CDYL2: variants seen among roughly 807,000 people sequenced by gnomAD.
The protein encoded by CDYL2 is chromodomain Y-like protein 2.
Under a neutral mutation model 49.4 loss-of-function variants are expected in CDYL2, and 23 were observed. The ratio of observed to expected loss-of-function variants is 0.47; its 90% confidence interval spans 0.34 to 0.66. CDYL2 has a LOEUF of 0.66. Ranked by LOEUF, CDYL2 falls within the 30% of genes least tolerant of loss-of-function variation. The pLI, the probability that CDYL2 is intolerant of heterozygous loss-of-function variation, is 0.01. For synonymous variants in CDYL2, 360 were observed against 268.8 expected (o/e 1.34, Z -3.32); for missense variants, 678 against 656.4 (o/e 1.03, Z -0.36).
chr16:80,650,465 G>C (rs1908536162), intron 2 of CDYL2, among the ~76,000 whole-genome samples: 1 of 152,070 alleles, frequency 6.6e-6, no homozygotes, highest in African/African-American at 2.4e-5. Context: ...AAGACAGGCA[G>C]TAACAAATGC....
intron 6 of CDYL2, 100 bp from the exon 7 acceptor site, chr16:80,604,646 C>CAGCCAGAGTAGCCAGAGT: frequency 7.7e-7 from 1 of 1,291,052 alleles, no homozygotes; most frequent in Non-Finnish European, 1.1e-6. Context: ...CCCATACTCA[C>CAGCCAGAGTAGCCAGAGT]AGCCAGAGAA....
intron 1 of CDYL2, among the ~76,000 whole-genome samples, chr16:80,781,153 C>A (rs1046944106): frequency 6.6e-6 from 1 of 152,128 alleles, no homozygotes; most frequent in African/African-American, 2.4e-5. Context: ...AATCATTACA[C>A]AATACACATC....
At chr16:80,777,344 G>C (rs759874637) in intron 1 of CDYL2, among the ~76,000 whole-genome samples, 24 of 151,776 alleles carry the variant, frequency 1.6e-4, no homozygotes, top group Non-Finnish European at 2.6e-4. Context: ...TAGAAAAAAA[G>C]TAAACAGATG....
At chr16:80,722,491 C>T (rs1642589119) in intron 1 of CDYL2, among the ~76,000 whole-genome samples, 1 of 152,184 alleles carries the variant, frequency 6.6e-6, no homozygotes, top group Non-Finnish European at 1.5e-5. Context: ...CTTATCGAGC[C>T]AACAACGGCA....
chr16:80,696,719 TAA>T (rs1220465295), intron 1 of CDYL2, among the ~76,000 whole-genome samples: 3 of 140,892 alleles, frequency 2.1e-5, no homozygotes, highest in Non-Finnish European at 1.6e-5. Context: ...GGAAGAGTAA[TAA>T]AAAAAAAAAG....
chr16:80,754,402 C>G (rs917661439), intron 1 of CDYL2, among the ~76,000 whole-genome samples: 1 of 152,130 alleles, frequency 6.6e-6, no homozygotes, highest in Non-Finnish European at 1.5e-5. Context: ...CAAAGGCCAC[C>G]CTAACATCAT....
chr16:80,685,081 A>C lies in CDYL2; in HGVS notation c.73T>G (p.Tyr25Asp). 6.2e-7 allele frequency: 1 copy of C among 1,613,848 alleles called. No homozygotes were observed. The highest frequency in any genetic ancestry group is 8.5e-7 in the Non-Finnish European group (1 of 1,179,898). ...CCGTAGCCTTTCCATCGGATAAGAT[A>C]CTCCCATTTTCCTTTCTTGTTCTTC... Reference protein sequence around the residue: ...KRKNKKGKWEYLIRWKGYGST... With the variant: ...KRKNKKGKWEDLIRWKGYGST... The change falls in exon 2 of 7, where the codon TAT becomes GAT. Residue 25 changes from tyrosine to aspartate, a missense_variant. Transcript: ENST00000570137.
intron 1 of CDYL2, among the ~76,000 whole-genome samples, chr16:80,753,175 C>G (rs1388572788): frequency 2.0e-5 from 3 of 150,940 alleles, no homozygotes; most frequent in Admixed American, 6.6e-5. Context: ...AACAGAAACA[C>G]ACATAAATGG....
rs377524054 is a variant in CDYL2, at chr16:80,712,771, T to C, written c.25-27642A>G. ...ACAATGCAGTCAACAAAAAGGACTG[T>C]GTCCCAATGCCATCAGACATAAGAT... On this transcript the variant is annotated intron_variant, in intron 1 of 6. Coordinates refer to ENST00000570137, the MANE Select transcript of CDYL2 (RefSeq NM_152342.4). 2.6e-5 allele frequency among the ~76,000 whole-genome samples: 4 copies of C among 152,200 alleles called. 1 individual carries two copies. In the South Asian group the frequency reaches 8.3e-4, roughly 32 times the overall value.
chr16:80,790,509 C>T (rs1002889774), intron 1 of CDYL2, among the ~76,000 whole-genome samples: 10 of 152,202 alleles, frequency 6.6e-5, no homozygotes, highest in Non-Finnish European at 8.8e-5. Context: ...CAAGATCTCA[C>T]CAAAGTCTGC....
chr16:80,650,016 T>C (rs929401226), intron 2 of CDYL2, among the ~76,000 whole-genome samples: 1 of 152,144 alleles, frequency 6.6e-6, no homozygotes, highest in Non-Finnish European at 1.5e-5. Context: ...ATGAACCTAC[T>C]ACAAGAAAAC....
intron 1 of CDYL2, among the ~76,000 whole-genome samples, chr16:80,768,210 G>C (rs1363650687): frequency 6.6e-6 from 1 of 152,156 alleles, no homozygotes; most frequent in Non-Finnish European, 1.5e-5. Flanking sequence ...GAACATACTA[G>C]AGATCCTGAC....
intron 1 of CDYL2, among the ~76,000 whole-genome samples, chr16:80,700,081 G>C (rs1258071685): frequency 6.6e-6 from 1 of 152,084 alleles, no homozygotes; most frequent in Non-Finnish European, 1.5e-5. Context: ...GGATGGTCTC[G>C]ATCTCCTGAC....
chr16:80,694,289 C>G (rs1274387772), intron 1 of CDYL2, among the ~76,000 whole-genome samples: 1 of 152,252 alleles, frequency 6.6e-6, no homozygotes, highest in Admixed American at 6.5e-5. Context: ...CACCACTCAC[C>G]TCCTGCTGTG....
chr16:80,637,842 T>A (rs866053973), intron 2 of CDYL2, among the ~76,000 whole-genome samples: 2 of 152,188 alleles, frequency 1.3e-5, no homozygotes, highest in African/African-American at 4.8e-5. Flanking sequence ...TCATTACACA[T>A]CCTATGCGGG....
chr16:80,698,828 C>T (rs1223749151), intron 1 of CDYL2, among the ~76,000 whole-genome samples: 1 of 152,114 alleles, frequency 6.6e-6, no homozygotes, highest in African/African-American at 2.4e-5. Context: ...GAACCATCAA[C>T]CAATTAAAAC....
intron 1 of CDYL2, among the ~76,000 whole-genome samples, chr16:80,699,317 C>T (rs1275054110): frequency 1.3e-5 from 2 of 152,134 alleles, no homozygotes; most frequent in Non-Finnish European, 2.9e-5. Context: ...ATATACAATG[C>T]AATACTATTT....
At chr16:80,742,353 C>T (rs544789983) in intron 1 of CDYL2, 1 of 150,996 alleles carries the variant, frequency 6.6e-6, no homozygotes, top group Non-Finnish European at 1.5e-5. Context: ...GATGGACTGA[C>T]AAATGGATGG....
At chr16:80,666,253 G>A (rs910930886) in intron 2 of CDYL2, among the ~76,000 whole-genome samples, 2 of 152,140 alleles carry the variant, frequency 1.3e-5, no homozygotes, top group African/African-American at 4.8e-5. Flanking sequence ...TCGCCTCTAT[G>A]CTACCTGCAA....
Sources: gnomAD v4.1 joint callset for allele counts (sites outside exome capture counted in the v4.1 genomes callset) on GRCh38, gnomAD v4.1.1 for gene constraint, MANE v1.5 for transcripts, NCBI Gene and HGNC (gene_info 2026-07-23, HGNC 2026-07-21) for gene names.